PI4KA: variants seen among roughly 807,000 people sequenced by gnomAD.
PI4KA encodes PI4-kinase alpha.
A neutral mutation model predicts 271.4 loss-of-function variants in PI4KA; 122 were observed. The observed-to-expected ratio is 0.45, with a 90% CI of 0.39 to 0.52. PI4KA has a LOEUF of 0.52. PI4KA is among the 20% of genes least tolerant of loss of function. The pLI is 0.00. For synonymous variants in PI4KA, 1,041 were observed against 1,078.8 expected (o/e 0.96, Z 0.69); for missense variants, 1,969 against 2,769.1 (o/e 0.71, Z 6.48).
At chr22:20,810,910 C>A in intron 9 of PI4KA, 57 bp downstream of exon 9, 1 of 1,303,142 alleles carries the variant, frequency 7.7e-7, no homozygotes, top group Non-Finnish European at 1.1e-6. Flanking sequence ...TTCCTGCTTT[C>A]TCTACACACG....
intron 7 of PI4KA, among the ~76,000 whole-genome samples, chr22:20,814,179 GA>G (rs361610): frequency 1.3e-5 from 2 of 150,536 alleles, no homozygotes; most frequent in African/African-American, 4.9e-5. Context: ...ACCAAAATTA[GA>G]AAAAAAAATG....
chr22:20,712,299 C>T (rs1249800789), intron 50 of PI4KA, 187 bp downstream of exon 50: 2 of 892,472 alleles, frequency 2.2e-6, no homozygotes, highest in East Asian at 2.4e-4. Flanking sequence ...TCGTGATCTG[C>T]CCGCCTCGGC....
intron 12 of PI4KA, 56 bp downstream of exon 12, chr22:20,804,244 C>A: frequency 1.7e-6 from 2 of 1,170,032 alleles, no homozygotes; most frequent in Non-Finnish European, 2.6e-6. Flanking sequence ...AACAGCGTGA[C>A]AAGAGGGAGG....
At chr22:20,831,321 C>A (rs1924133285) in intron 3 of PI4KA, among the ~76,000 whole-genome samples, 1 of 152,098 alleles carries the variant, frequency 6.6e-6, no homozygotes, top group Admixed American at 6.6e-5. Flanking sequence ...ATCCCAGCAC[C>A]TTTGTGAGGC....
chr22:20,720,619 G>GA (rs1926624147), intron 43 of PI4KA, among the ~76,000 whole-genome samples: 1 of 152,062 alleles, frequency 6.6e-6, no homozygotes, highest in African/African-American at 2.4e-5. Flanking sequence ...AATGACCTGA[G>GA]AGACTACTAA....
chr22:20,722,634 T>G (rs184584939), intron 42 of PI4KA, among the ~76,000 whole-genome samples: 1 of 152,344 alleles, frequency 6.6e-6, no homozygotes, highest in Non-Finnish European at 1.5e-5. Flanking sequence ...AAAAATTTTT[T>G]TTGTTCCTAG....
At chr22:20,815,686 C>G (rs1160502302) in intron 7 of PI4KA, among the ~76,000 whole-genome samples, 1 of 151,818 alleles carries the variant, frequency 6.6e-6, no homozygotes, top group Non-Finnish European at 1.5e-5. Flanking sequence ...AAGAGGCCAA[C>G]ATAAGAAATG....
intron 19 of PI4KA, among the ~76,000 whole-genome samples, chr22:20,789,435 T>C (rs1228204263): frequency 1.3e-5 from 2 of 152,336 alleles, no homozygotes; most frequent in East Asian, 1.9e-4. Context: ...GTTCAAGCAA[T>C]TCTCCTGCCT....
At chr22:20,789,605 C>T (rs750485380) in intron 19 of PI4KA, among the ~76,000 whole-genome samples, 13 of 152,218 alleles carry the variant, frequency 8.5e-5, no homozygotes, top group Admixed American at 2.0e-4. Flanking sequence ...GTTGGGATTA[C>T]AGGTGTAAGC....
At chr22:20,745,226 T>C (rs1929922990) in intron 29 of PI4KA, among the ~76,000 whole-genome samples, 1 of 152,172 alleles carries the variant, frequency 6.6e-6, no homozygotes, top group Non-Finnish European at 1.5e-5. Context: ...GAAAAATATT[T>C]GAAAACTACC....
intron 30 of PI4KA, among the ~76,000 whole-genome samples, chr22:20,743,427 A>G (rs1447142101): frequency 6.6e-6 from 1 of 151,962 alleles, no homozygotes; most frequent in Non-Finnish European, 1.5e-5. Context: ...TACAGGCGTG[A>G]GCGGCCACAC....
intron 1 of PI4KA, among the ~76,000 whole-genome samples, chr22:20,850,985 T>C (rs1265945318): frequency 7.2e-5 from 11 of 151,984 alleles, no homozygotes; most frequent in Admixed American, 5.2e-4. Flanking sequence ...TTCAAGGTGG[T>C]AGTAAGTTAT....
intron 19 of PI4KA, among the ~76,000 whole-genome samples, chr22:20,789,269 A>T (rs1934475798): frequency 6.6e-6 from 1 of 152,196 alleles, no homozygotes; most frequent in Non-Finnish European, 1.5e-5. Context: ...ACCTTGAGGG[A>T]TTGCTGTGAG....
rs370972198 is a variant in PI4KA at position 20,752,861 on chromosome 22, T to C, written c.2987+42A>G. The C allele has an allele frequency of 1.4e-4, 222 of 1,594,690 alleles. No individual in the cohort carries two copies. Among genetic ancestry groups the C allele is most frequent in the Non-Finnish European group, 1.9e-4 (218 of 1,163,930 alleles). On this transcript the variant is annotated intron_variant, in intron 25 of 54. Transcript: ENST00000255882. Reference sequence around the variant, plus strand: ...CCCAGCATTTGAAATCACAGAAGTTTATATACATACACACAAAACATTAGC... The same window carrying C: ...CCCAGCATTTGAAATCACAGAAGTTCATATACATACACACAAAACATTAGC...
At chr22:20,717,141 G>A (rs893697408) in intron 45 of PI4KA, among the ~76,000 whole-genome samples, 1 of 152,156 alleles carries the variant, frequency 6.6e-6, no homozygotes, top group African/African-American at 2.4e-5. Context: ...AGCTACTCGG[G>A]AGGCTGAGGC....
At chr22:20,746,529 T>A (rs564736197) in intron 29 of PI4KA, among the ~76,000 whole-genome samples, 2 of 152,242 alleles carry the variant, frequency 1.3e-5, no homozygotes, top group Admixed American at 6.5e-5. Flanking sequence ...TTCTATTTTA[T>A]GTAATAAAGC....
chr22:20,741,480 C>T (rs1251468040), intron 32 of PI4KA, among the ~76,000 whole-genome samples: 1 of 152,130 alleles, frequency 6.6e-6, no homozygotes, highest in Non-Finnish European at 1.5e-5. Flanking sequence ...CCCCAGGCGC[C>T]CACTGGACCA....
intron 19 of PI4KA, among the ~76,000 whole-genome samples, chr22:20,769,658 G>A (rs1252194786): frequency 7.6e-6 from 1 of 132,176 alleles, no homozygotes; most frequent in African/African-American, 3.0e-5. Flanking sequence ...GACAGAGCGA[G>A]ACGCCATTTC....
At chr22:20,712,399 G>A in intron 50 of PI4KA, 87 bp downstream of exon 50, 1 of 1,568,792 alleles carries the variant, frequency 6.4e-7, no homozygotes, top group Non-Finnish European at 8.6e-7. Context: ...ACTGAGGAGA[G>A]CAGGGTGTGG....
Sources: allele counts gnomAD v4.1 joint callset (sites outside exome capture counted in the v4.1 genomes callset), GRCh38; gene constraint gnomAD v4.1.1; transcripts MANE v1.5; gene names NCBI Gene and HGNC (gene_info 2026-07-23, HGNC 2026-07-21).